Variants in TRPC6 observed in about 807,000 individuals in gnomAD.
TRPC6 encodes transient receptor potential cation channel subfamily C member 6.
Under a neutral mutation model 90.7 loss-of-function variants are expected in TRPC6, and 55 were observed. That is an observed-to-expected ratio of 0.61 (90% CI 0.49 to 0.76). The LOEUF (loss-of-function observed/expected upper bound fraction) is 0.76. Among genes scored for constraint, TRPC6 ranks in the 30% least tolerant of loss-of-function variants. The pLI is 0.00. For synonymous variants in TRPC6, 393 were observed against 393.0 expected (o/e 1.00, Z 0.00); for missense variants, 989 against 1,122.7 (o/e 0.88, Z 1.70).
rs1859596779 is a variant in TRPC6 at position 101,483,293 on chromosome 11, T to C, written c.1294-128A>G. 4 of 1,152,638 alleles carry C rather than the reference T, an allele frequency of 3.5e-6. No individual in the cohort carries two copies. The South Asian group carries it at 5.3e-5, about 15-fold the overall frequency. The allele number at this position is 1,152,638 out of a possible 1,614,324, so 71.4% of individuals were successfully genotyped here. A position where few individuals can be genotyped will look rare whatever the true frequency, so the allele number is the denominator to read the frequency against. ...CTCCTGAGATAATTGTTTATATTTATGTAATTCGTGATAGAGTAATATCTT... is the reference window on the plus strand; with the variant it reads ...CTCCTGAGATAATTGTTTATATTTACGTAATTCGTGATAGAGTAATATCTT... On this transcript the variant is annotated intron_variant, in intron 4 of 12. Transcript: ENST00000344327.
chr11:101,579,216 T>A (rs1320416347), intron 1 of TRPC6, among the ~76,000 whole-genome samples: 1 of 152,172 alleles, frequency 6.6e-6, no homozygotes, highest in African/African-American at 2.4e-5. Context: ...AGCCCTTCCA[T>A]TAATTTTTTT....
At chr11:101,528,892 G>C (rs113951627) in intron 1 of TRPC6, among the ~76,000 whole-genome samples, 19 of 152,062 alleles carry the variant, frequency 1.2e-4, no homozygotes, top group African/African-American at 4.3e-4. Context: ...TCGGCATCTG[G>C]AATCATGAAA....
At chr11:101,541,031 C>T (rs527855058) in intron 1 of TRPC6, among the ~76,000 whole-genome samples, 3 of 152,214 alleles carry the variant, frequency 2.0e-5, no homozygotes, top group South Asian at 2.1e-4. Flanking sequence ...CACAAGTCAT[C>T]GTAGGCTAAC....
intron 1 of TRPC6, among the ~76,000 whole-genome samples, chr11:101,507,395 T>G (rs1373083404): frequency 2.6e-5 from 4 of 152,004 alleles, no homozygotes; most frequent in Non-Finnish European, 5.9e-5. Flanking sequence ...GCATGTATGT[T>G]CTCTTTGAAT....
intron 1 of TRPC6, among the ~76,000 whole-genome samples, chr11:101,525,612 GAAGTT>G: frequency 6.6e-6 from 1 of 152,288 alleles, no homozygotes; most frequent in East Asian, 1.9e-4. Flanking sequence ...ACAAAAGGCA[GAAGTT>G]AAGAGAGAAC....
intron 1 of TRPC6, among the ~76,000 whole-genome samples, chr11:101,569,608 A>G (rs942488545): frequency 2.6e-5 from 4 of 152,200 alleles, no homozygotes; most frequent in African/African-American, 7.2e-5. Flanking sequence ...AATTGGCCAC[A>G]TAATTGGAAG....
chr11:101,550,897 A>G (rs1861435519), intron 1 of TRPC6, among the ~76,000 whole-genome samples: 1 of 151,864 alleles, frequency 6.6e-6, no homozygotes. Flanking sequence ...ATTGTGATAT[A>G]AAAGATGATT....
At chr11:101,475,549 TCTAA>T (rs1302574919) in intron 6 of TRPC6, among the ~76,000 whole-genome samples, 3 of 152,126 alleles carry the variant, frequency 2.0e-5, no homozygotes, top group Admixed American at 6.5e-5. Context: ...TATTATAAGC[TCTAA>T]CTAATAAGTT....
Position 101,548,263 on chromosome 11 carries a change from A to ATATATATATATATATATAATT in TRPC6, c.170+35070_170+35071insAATTATATATATATATATATA, listed in dbSNP as rs1477283991. ...TAAGAACTAGATCATATATATATAC[A>ATATATATATATATATATAATT]TATATATATAATTTATATATATAAT... On this transcript the variant is annotated intron_variant, in intron 1 of 12. Coordinates refer to ENST00000344327, the MANE Select transcript of TRPC6 (RefSeq NM_004621.6). Among the ~76,000 whole-genome samples, 217 of 82,748 alleles carry ATATATATATATATATATAATT rather than the reference A, an allele frequency of 2.6e-3. 1 individual carries two copies. Among genetic ancestry groups the ATATATATATATATATATAATT allele is most frequent in the Admixed American group, 5.8e-3 (50 of 8,558 alleles). 54.3% of individuals were successfully genotyped at this position (82,748 alleles called of 152,430 possible). A position where few individuals can be genotyped will look rare whatever the true frequency, so the allele number is the denominator to read the frequency against.
At chr11:101,503,993 G>C in intron 2 of TRPC6, 31 bp downstream of exon 2, 1 of 1,613,812 alleles carries the variant, frequency 6.2e-7, no homozygotes, top group Non-Finnish European at 8.5e-7. Context: ...CTGGCTTGTG[G>C]AGGGTGAAGT....
chr11:101,467,592 A>AAAAT (rs750484654), intron 10 of TRPC6, among the ~76,000 whole-genome samples: 3 of 152,232 alleles, frequency 2.0e-5, no homozygotes, highest in Non-Finnish European at 4.4e-5. Context: ...AATTGCTCAC[A>AAAAT]AAATATTTGA....
chr11:101,583,447 G>T lies in TRPC6; in HGVS notation c.57C>A (p.Ala19=), dbSNP rs1044672839. ...PRRGSSPRGA[A]GAAARRNESQ... is the part of the protein sequence containing the mutation. Reference sequence around the variant, plus strand: ...TCTCGTTGCGCCGCGCAGCGGCTCCGGCAGCGCCCCGGGGAGAACTGCCCC... The same window carrying T: ...TCTCGTTGCGCCGCGCAGCGGCTCCTGCAGCGCCCCGGGGAGAACTGCCCC... Residue 19 remains alanine (A), a synonymous_variant, in exon 1 of 13, where the codon GCC becomes GCA. Coordinates refer to ENST00000344327, the MANE Select transcript of TRPC6 (RefSeq NM_004621.6). The T allele has an allele frequency of 1.9e-6, 3 of 1,541,646 alleles. No homozygotes were observed. Among genetic ancestry groups the T allele is most frequent in the Non-Finnish European group, 2.6e-6 (3 of 1,143,030 alleles).
In TRPC6 at chr11:101,501,753, T is replaced by G. The variant is rs184990188; in HGVS notation, c.945+2271A>C. On this transcript the variant is annotated intron_variant, in intron 2 of 12. Coordinates refer to ENST00000344327, the MANE Select transcript of TRPC6 (RefSeq NM_004621.6). ...TGTTTTTGTAAAAAGGCCTTAAAAA[T>G]CAAGCCAGTAACTGCCCTTTCTCCT... Among the ~76,000 whole-genome samples the G allele has an allele frequency of 7.9e-3, 1,204 of 152,292 alleles. 11 individuals carry two copies. The highest frequency in any genetic ancestry group is 0.013 in the Non-Finnish European group (879 of 68,020).
rs140301130 is a variant in TRPC6, at chr11:101,468,485, C to T, written c.2484+942G>A. Among the ~76,000 whole-genome samples, 336 of 152,244 alleles carry T rather than the reference C, an allele frequency of 2.2e-3. 1 individual carries two copies. The highest frequency in any genetic ancestry group is 7.8e-3 in the African/African-American group (326 of 41,542). On this transcript the variant is annotated intron_variant, in intron 10 of 12. Coordinates refer to ENST00000344327, the MANE Select transcript of TRPC6 (RefSeq NM_004621.6). ...TGTCATTTGTATTCCATGGGATAGC[C>T]ATATATCATAGTTCTGGTCAATGAG...
chr11:101,468,324 C>T (rs1473603354), intron 10 of TRPC6, among the ~76,000 whole-genome samples: 5 of 151,996 alleles, frequency 3.3e-5, no homozygotes, highest in African/African-American at 4.8e-5. Flanking sequence ...TTGTAATGGG[C>T]GATGGTTGAC....
At chr11:101,530,290 T>G (rs1860880862) in intron 1 of TRPC6, among the ~76,000 whole-genome samples, 1 of 151,872 alleles carries the variant, frequency 6.6e-6, no homozygotes, top group Admixed American at 6.6e-5. Context: ...TCACACTGTA[T>G]GTACCCTGGG....
intron 1 of TRPC6, among the ~76,000 whole-genome samples, chr11:101,528,235 T>C (rs931762378): frequency 1.4e-4 from 22 of 152,234 alleles, no homozygotes; most frequent in Non-Finnish European, 3.1e-4. Flanking sequence ...ATTAGTGGAG[T>C]ATTATCTAAT....
intron 1 of TRPC6, among the ~76,000 whole-genome samples, chr11:101,531,095 C>G (rs990161661): frequency 6.6e-6 from 1 of 152,204 alleles, no homozygotes; most frequent in African/African-American, 2.4e-5. Flanking sequence ...CATACACACA[C>G]ATACACACAC....
intron 4 of TRPC6, among the ~76,000 whole-genome samples, chr11:101,487,887 G>A (rs540622905): frequency 6.6e-6 from 1 of 152,196 alleles, no homozygotes; most frequent in Admixed American, 6.5e-5. Context: ...CTTTGCACAA[G>A]CTTTCTAGCA....
Sources: allele counts gnomAD v4.1 joint callset (sites outside exome capture counted in the v4.1 genomes callset), GRCh38; gene constraint gnomAD v4.1.1; transcripts MANE v1.5; gene names NCBI Gene and HGNC (gene_info 2026-07-23, HGNC 2026-07-21).